SLC2A13: variants seen among roughly 807,000 people sequenced by gnomAD.
SLC2A13 encodes the protein solute carrier family 2 member 13.
Under a neutral mutation model 64.4 loss-of-function variants are expected in SLC2A13, and 32 were observed. The ratio of observed to expected loss-of-function variants is 0.50; its 90% CI spans 0.37 to 0.67. The LOEUF is 0.67. Among genes scored for constraint, SLC2A13 ranks in the 30% least tolerant of loss-of-function variants. The pLI is 0.00. For missense variants in SLC2A13, 743 were observed against 829.2 expected, an observed-to-expected ratio of 0.90 and a Z score of 1.28; for synonymous variants, 338 against 327.1, an observed-to-expected ratio of 1.03 and a Z score of -0.36.
At chr12:39,762,127 A>G (rs1940176036) in intron 9 of SLC2A13, among the ~76,000 whole-genome samples, 1 of 152,024 alleles carries the variant, frequency 6.6e-6, no homozygotes, top group South Asian at 2.1e-4. Context: ...CTGCCTACTC[A>G]GTGTGGGTTC....
chr12:40,085,905 C>T (rs527243485), intron 1 of SLC2A13, among the ~76,000 whole-genome samples: 30 of 152,010 alleles, frequency 2.0e-4, no homozygotes, highest in African/African-American at 7.0e-4. Flanking sequence ...GACAGAGTCT[C>T]GCTCTGTCAC....
At chr12:39,974,700 C>T (rs1946730622) in intron 3 of SLC2A13, among the ~76,000 whole-genome samples, 1 of 152,162 alleles carries the variant, frequency 6.6e-6, no homozygotes, top group Non-Finnish European at 1.5e-5. Context: ...GCAATTTACA[C>T]AATTCTAGAC....
intron 4 of SLC2A13, among the ~76,000 whole-genome samples, chr12:39,900,161 C>A (rs1221960877): frequency 1.1e-4 from 17 of 150,284 alleles, no homozygotes; most frequent in African/African-American, 3.7e-4. Context: ...TAAAAACTCT[C>A]AGTAAATTAG....
chr12:39,893,270 G>T (rs901348980), intron 4 of SLC2A13, among the ~76,000 whole-genome samples: 3 of 152,120 alleles, frequency 2.0e-5, no homozygotes, highest in African/African-American at 7.2e-5. Flanking sequence ...CTATTTTATA[G>T]AAAACAAAAC....
At chr12:39,771,710 T>C (rs1289079936) in intron 7 of SLC2A13, among the ~76,000 whole-genome samples, 1 of 152,004 alleles carries the variant, frequency 6.6e-6, no homozygotes, top group African/African-American at 2.4e-5. Context: ...CTCCTATCAT[T>C]CCTTTCTTCA....
chr12:39,880,813 C>T (rs1944319989), intron 4 of SLC2A13, among the ~76,000 whole-genome samples: 1 of 152,204 alleles, frequency 6.6e-6, no homozygotes, highest in African/African-American at 2.4e-5. Context: ...TCACCTCGCT[C>T]AGCCACATCA....
At chr12:39,955,739 G>C (rs1165179469) in intron 3 of SLC2A13, among the ~76,000 whole-genome samples, 3 of 152,084 alleles carry the variant, frequency 2.0e-5, no homozygotes, top group Non-Finnish European at 2.9e-5. Flanking sequence ...TCCTTATCAG[G>C]AGGAGGCTGA....
chr12:39,960,075 G>T lies in SLC2A13; in HGVS notation c.926-8710C>A, dbSNP rs547168245. ...ATTGTTAGCATTGTCTATAGACAGG[G>T]CCACTTTTTTTTCCTATATGTAAAT... On this transcript the variant is annotated intron_variant, in intron 3 of 9. Transcript: ENST00000280871. Among the ~76,000 whole-genome samples the T allele has an allele frequency of 3.9e-5, 6 of 152,204 alleles. No homozygotes were observed. In the South Asian group the frequency reaches 6.2e-4, roughly 16 times the overall value.
chr12:39,779,104 G>A (rs1005767426), intron 7 of SLC2A13, among the ~76,000 whole-genome samples: 2 of 152,162 alleles, frequency 1.3e-5, no homozygotes, highest in South Asian at 2.1e-4. Flanking sequence ...GGCATAAGTT[G>A]GATCTCAGTG....
At chr12:39,765,006 G>A in intron 7 of SLC2A13, 148 bp from the exon 8 acceptor site, 2 of 890,884 alleles carry the variant, frequency 2.2e-6, no homozygotes, top group East Asian at 5.5e-5. Context: ...TAAATATACA[G>A]TATTAGATAT....
At chr12:40,029,799 GT>G (rs1403109734) in intron 2 of SLC2A13, among the ~76,000 whole-genome samples, 2 of 152,180 alleles carry the variant, frequency 1.3e-5, no homozygotes, top group Non-Finnish European at 2.9e-5. Flanking sequence ...AAATGAATCA[GT>G]TGGCCTGCAG....
At chr12:39,798,306 T>A (rs1592147265) in intron 7 of SLC2A13, among the ~76,000 whole-genome samples, 1 of 152,202 alleles carries the variant, frequency 6.6e-6, no homozygotes, top group East Asian at 1.9e-4. Flanking sequence ...TCTCCTGGAT[T>A]TGTGACCCAG....
At chr12:40,063,058 G>C (rs1267065714) in intron 1 of SLC2A13, among the ~76,000 whole-genome samples, 1 of 151,732 alleles carries the variant, frequency 6.6e-6, no homozygotes, top group Non-Finnish European at 1.5e-5. Flanking sequence ...ATTTTATATA[G>C]ATACCCCTTC....
At chr12:39,924,668 T>C (rs895545197) in intron 4 of SLC2A13, among the ~76,000 whole-genome samples, 24 of 152,120 alleles carry the variant, frequency 1.6e-4, no homozygotes, top group Admixed American at 1.3e-4. Context: ...TTTCAATTAT[T>C]CTTCATTTTT....
At chr12:39,998,219 T>C (rs1024207634) in intron 3 of SLC2A13, among the ~76,000 whole-genome samples, 1 of 152,172 alleles carries the variant, frequency 6.6e-6, no homozygotes, top group African/African-American at 2.4e-5. Context: ...AATAAATTAG[T>C]GGCATTCACA....
At chr12:40,081,206 T>C (rs1260329920) in intron 1 of SLC2A13, among the ~76,000 whole-genome samples, 2 of 152,216 alleles carry the variant, frequency 1.3e-5, no homozygotes, top group Non-Finnish European at 2.9e-5. Context: ...TGTAGTATAT[T>C]GCTGAGGTTC....
intron 7 of SLC2A13, among the ~76,000 whole-genome samples, chr12:39,796,422 TAAA>T (rs10545679): frequency 2.6e-4 from 30 of 117,596 alleles, no homozygotes; most frequent in South Asian, 6.0e-4. Context: ...GGACCCATCT[TAAA>T]AAAAAAAAAA....
At chr12:39,840,018 T>C (rs1943137775) in intron 6 of SLC2A13, among the ~76,000 whole-genome samples, 1 of 152,012 alleles carries the variant, frequency 6.6e-6, no homozygotes, top group Admixed American at 6.6e-5. Flanking sequence ...TCCTGTACTC[T>C]CCATTCTTTT....
chr12:40,078,945 G>A (rs944100222), intron 1 of SLC2A13, among the ~76,000 whole-genome samples: 1 of 151,968 alleles, frequency 6.6e-6, no homozygotes, highest in Non-Finnish European at 1.5e-5. Context: ...AGTTTCTGAG[G>A]GTTCTGTTTT....
Sources: allele counts gnomAD v4.1 joint callset (sites outside exome capture counted in the v4.1 genomes callset), GRCh38; gene constraint gnomAD v4.1.1; transcripts MANE v1.5; gene names NCBI Gene and HGNC (gene_info 2026-07-23, HGNC 2026-07-21).